Variants in IFT56 observed in about 807,000 individuals in gnomAD.
IFT56 encodes the protein intraflagellar transport protein 56.
chr7:139,137,755 T>A, the IFT56 span: 3 of 851,766 alleles, frequency 3.5e-6, no homozygotes, highest in Non-Finnish European at 5.4e-6. Context: ...TTAGATTGCC[T>A]GTTGTCAGTA....
chr7:139,167,019 G>C, the IFT56 span: 40 of 566,666 alleles, frequency 7.1e-5, no homozygotes, highest in African/African-American at 6.8e-4. Flanking sequence ...CCCAGGAAAA[G>C]ACCATATGTA....
At chr7:139,149,237 A>G in the IFT56 span, among the ~76,000 whole-genome samples, 1 of 145,986 alleles carries the variant, frequency 6.8e-6, no homozygotes. Flanking sequence ...CTCGGGAGGC[A>G]GAGCTTTCAG....
At chr7:139,181,245 A>T in the IFT56 span, 4 of 1,383,236 alleles carry the variant, frequency 2.9e-6, no homozygotes, top group Non-Finnish European at 4.1e-6. Flanking sequence ...TCATTATCAC[A>T]TTGCTGCATT....
At chr7:139,189,497 C>T in the IFT56 span, 1 of 1,139,048 alleles carries the variant, frequency 8.8e-7, no homozygotes, top group Non-Finnish European at 1.3e-6. Context: ...ATTTTCACTC[C>T]AGTTTAATCT....
chr7:139,148,137 T>G, the IFT56 span: 574 of 1,420,326 alleles, frequency 4.0e-4, no homozygotes, highest in Middle Eastern at 7.3e-4. Flanking sequence ...CTTGTCCATT[T>G]GAGCTTTGTA....
chr7:139,165,169 T>A, the IFT56 span: 1 of 1,613,844 alleles, frequency 6.2e-7, no homozygotes, highest in Non-Finnish European at 8.5e-7. Flanking sequence ...TTGCAGGTTT[T>A]ACCTCCCCTA....
chr7:139,158,114 C>G, the IFT56 span, among the ~76,000 whole-genome samples: 3 of 151,872 alleles, frequency 2.0e-5, no homozygotes, highest in Non-Finnish European at 2.9e-5. Context: ...AGGAGTTCCA[C>G]ACCAGCCTGG....
the IFT56 span, chr7:139,181,023 A>T: frequency 1.1e-6 from 1 of 933,218 alleles, no homozygotes; most frequent in Admixed American, 2.3e-5. Context: ...TAGAATAATA[A>T]GGTGCAGAAA....
At chr7:139,158,315 A>AAAAAAAAAAAAAAAAG in the IFT56 span, among the ~76,000 whole-genome samples, 1 of 150,250 alleles carries the variant, frequency 6.7e-6, no homozygotes, top group African/African-American at 2.4e-5. Flanking sequence ...CGCCATCTCA[A>AAAAAAAAAAAAAAAAG]AAAAAAAAAA....
the IFT56 span, chr7:139,168,691 T>C: frequency 5.3e-6 from 2 of 378,326 alleles, no homozygotes; most frequent in African/African-American, 2.0e-5. Flanking sequence ...AACTTCATTC[T>C]TATTTGCAGC....
chr7:139,172,805 T>A, the IFT56 span: 1 of 649,022 alleles, frequency 1.5e-6, no homozygotes, highest in Non-Finnish European at 3.0e-6. Flanking sequence ...ACCTCGTTCA[T>A]TTCATTAGTT....
the IFT56 span, among the ~76,000 whole-genome samples, chr7:139,134,374 G>C: frequency 6.6e-6 from 1 of 151,700 alleles, no homozygotes; most frequent in Non-Finnish European, 1.5e-5. Context: ...AGGTTCAAGC[G>C]TTTCTTCTGC....
chr7:139,162,899 C>T, the IFT56 span, among the ~76,000 whole-genome samples: 3 of 151,078 alleles, frequency 2.0e-5, no homozygotes, highest in Non-Finnish European at 4.4e-5. Flanking sequence ...GTGAAGCTTG[C>T]AGTGAGCCAA....
chr7:139,157,029 T>C, the IFT56 span, among the ~76,000 whole-genome samples: 2 of 152,202 alleles, frequency 1.3e-5, no homozygotes, highest in African/African-American at 4.8e-5. Flanking sequence ...AGGATTTTAA[T>C]TGTATTGCTT....
the IFT56 span, chr7:139,142,271 T>C: frequency 6.2e-7 from 1 of 1,614,084 alleles, no homozygotes; most frequent in Admixed American, 1.7e-5. Flanking sequence ...AAAAGCCGAC[T>C]CCAAAACCGC....
chr7:139,138,317 A>G, the IFT56 span, among the ~76,000 whole-genome samples: 1 of 152,198 alleles, frequency 6.6e-6, no homozygotes, highest in Non-Finnish European at 1.5e-5. Flanking sequence ...TTATTACCAT[A>G]TAGTGTTATA....
chr7:139,179,507 C>A, the IFT56 span: 1 of 1,329,154 alleles, frequency 7.5e-7, no homozygotes, highest in South Asian at 1.2e-5. Context: ...CTAAGGCAAG[C>A]CAATAATGGG....
At chr7:139,181,146 C>G in the IFT56 span, 3 of 1,613,136 alleles carry the variant, frequency 1.9e-6, no homozygotes, top group South Asian at 3.3e-5. Context: ...AAGATGGAAA[C>G]CTCCGGCGAG....
chr7:139,187,708 A>G, the IFT56 span, among the ~76,000 whole-genome samples: 2 of 152,210 alleles, frequency 1.3e-5, no homozygotes, highest in Non-Finnish European at 2.9e-5. Flanking sequence ...TTCCTCCAGA[A>G]ATCTTTCATT....
Sources: gnomAD v4.1 joint callset for allele counts (sites outside exome capture counted in the v4.1 genomes callset) on GRCh38, gnomAD v4.1.1 for gene constraint, MANE v1.5 for transcripts, NCBI Gene and HGNC (gene_info 2026-07-23, HGNC 2026-07-21) for gene names.